NOL9: variants seen among roughly 807,000 people sequenced by gnomAD.
The protein encoded by NOL9 is polynucleotide 5'-hydroxyl-kinase NOL9.
A neutral mutation model predicts 67.9 loss-of-function variants in NOL9; 28 were observed. The observed-to-expected ratio is 0.41, with a 90% confidence interval of 0.31 to 0.57. The LOEUF (loss-of-function observed/expected upper bound fraction) is 0.57. NOL9 is among the 20% of genes least tolerant of loss of function. NOL9 has a pLI of 0.25. For synonymous variants in NOL9, 356 were observed against 352.2 expected (o/e 1.01, Z -0.12); for missense variants, 777 against 897.0 (o/e 0.87, Z 1.71).
Position 6,525,091 on chromosome 1 carries a change from A to G in NOL9, c.*763T>C, listed in dbSNP as rs1425022481. 1 of 151,820 alleles carries G rather than the reference A, an allele frequency of 6.6e-6. No individual in the cohort carries two copies. The highest frequency in any genetic ancestry group is 1.5e-5 in the Non-Finnish European group (1 of 67,956). 9.4% of individuals were successfully genotyped at this position (151,820 alleles called of 1,614,324 possible). On this transcript the variant is annotated 3_prime_UTR_variant, in exon 12 of 12. Transcript: ENST00000377705. ...TTCCTCAGCATAAAACCTCAGGATT[A>G]AAAAAAAGGAAGGGCTCTTGGGTCC...
In NOL9 at chr1:6,532,759, G is replaced by T. The variant is rs750909549; in HGVS notation, c.1239C>A (p.Asp413Glu). 2 of 1,610,292 alleles carry T rather than the reference G, an allele frequency of 1.2e-6. No homozygotes were observed. Among genetic ancestry groups the T allele is most frequent in the African/African-American group, 1.3e-5 (1 of 74,808 alleles). ...GATCAATGAGAAGCAGGAGCCCCTG[G>T]TCTGTGGGGAAGAGACATTAGCACA... ...LIVNTMGWVS[D>E]QGLLLLIDLI... The change falls in exon 8 of 12, where the codon GAC (aspartate) becomes GAA (glutamate). Residue 413 changes from aspartate to glutamate, a missense_variant and splice_region_variant. Asp to Glu is a conservative substitution (Grantham distance 45). Transcript: ENST00000377705.
chr1:6,541,801 A>C, intron 6 of NOL9, 29 bp downstream of exon 6: 1 of 1,377,702 alleles, frequency 7.3e-7, no homozygotes, highest in Non-Finnish European at 1.0e-6. Context: ...TCATAAAACC[A>C]AGACATTTGA....
At chr1:6,529,276 G>A in intron 9 of NOL9, 105 bp from the exon 10 acceptor site, 2 of 1,023,930 alleles carry the variant, frequency 2.0e-6, no homozygotes, top group South Asian at 3.1e-5. Flanking sequence ...CTGCCAAAGT[G>A]CCTACTCAAA....
At chr1:6,526,516 GT>G (rs1483645649) in intron 11 of NOL9, among the ~76,000 whole-genome samples, 179 bp downstream of exon 11, 1 of 152,202 alleles carries the variant, frequency 6.6e-6, no homozygotes, top group African/African-American at 2.4e-5. Flanking sequence ...ACGAGGGACA[GT>G]GATTCATAGT....
At chr1:6,534,950 C>T (rs1212412288) in intron 6 of NOL9, among the ~76,000 whole-genome samples, 4 of 152,242 alleles carry the variant, frequency 2.6e-5, no homozygotes, top group Non-Finnish European at 5.9e-5. Context: ...ATTACAGGCA[C>T]TCGCCACCAC....
intron 3 of NOL9, among the ~76,000 whole-genome samples, chr1:6,545,785 A>G (rs1639407389): frequency 6.6e-6 from 1 of 152,046 alleles, no homozygotes; most frequent in Non-Finnish European, 1.5e-5. Flanking sequence ...GCAGTGGTGC[A>G]CGCCTGTAAT....
chr1:6,536,761 G>A (rs1639165694), intron 6 of NOL9, among the ~76,000 whole-genome samples: 1 of 151,184 alleles, frequency 6.6e-6, no homozygotes, highest in Non-Finnish European at 1.5e-5. Flanking sequence ...AGGATGCAGT[G>A]AGCTGTGATT....
chr1:6,536,982 G>T (rs1414623102), intron 6 of NOL9, among the ~76,000 whole-genome samples: 1 of 152,044 alleles, frequency 6.6e-6, no homozygotes, highest in Admixed American at 6.6e-5. Context: ...ATGCACTCCA[G>T]CCTGGGTGAC....
At chr1:6,552,000 ACTCCAGC>A (rs1273026245) in intron 1 of NOL9, among the ~76,000 whole-genome samples, 3 of 152,164 alleles carry the variant, frequency 2.0e-5, no homozygotes, top group Non-Finnish European at 4.4e-5. Context: ...GCGCCACTGC[ACTCCAGC>A]CTGGGCAACA....
Position 6,532,657 on chromosome 1 carries a change from C to A in NOL9, c.1341G>T (p.Pro447=). The A allele has an allele frequency of 6.2e-7, 1 of 1,614,114 alleles. No individual in the cohort carries two copies. The highest frequency in any genetic ancestry group is 8.5e-7 in the Non-Finnish European group (1 of 1,180,028). Residue 447 remains proline, a synonymous_variant, in exon 8 of 12, where the codon CCG becomes CCT. Coordinates refer to ENST00000377705, the MANE Select transcript of NOL9 (RefSeq NM_024654.5). ...AGCCATCCATGTCATCTACATACTGCGGGGTAAGGTCTGGCATATATTTAC... is the reference window on the plus strand; with the variant it reads ...AGCCATCCATGTCATCTACATACTGAGGGGTAAGGTCTGGCATATATTTAC... ...DHSKYMPDLT[P]QYVDDMDGLY...
Position 6,554,046 on chromosome 1 carries a change from C to G in NOL9, c.396+61G>C, listed in dbSNP as rs576229409. 1.7e-3 allele frequency: 2,416 copies of G among 1,391,186 alleles called. 10 individuals are homozygous for G. Among genetic ancestry groups the G allele is most frequent in the Middle Eastern group, 0.013 (52 of 3,930 alleles). The allele number at this position is 1,391,186 out of a possible 1,614,324, so 86.2% of individuals were successfully genotyped here. A position where few individuals can be genotyped will look rare whatever the true frequency, so the allele number is the denominator to read the frequency against. ...GGTCCTCTCCTACCCTGCAGCTCTC[C>G]CGGGGCTGCCTCTCCAGCCCTCCCT... is the stretch of plus-strand genomic sequence containing the variant. On this transcript the variant is annotated intron_variant, in intron 1 of 11. Coordinates refer to ENST00000377705, the MANE Select transcript of NOL9 (RefSeq NM_024654.5).
chr1:6,539,772 T>C (rs1042023862), intron 6 of NOL9, among the ~76,000 whole-genome samples: 14 of 152,050 alleles, frequency 9.2e-5, no homozygotes, highest in African/African-American at 2.2e-4. Flanking sequence ...GTGTGAGCCA[T>C]GGCACCTGGC....
At chr1:6,535,883 G>A (rs1456843801) in intron 6 of NOL9, among the ~76,000 whole-genome samples, 4 of 147,884 alleles carry the variant, frequency 2.7e-5, no homozygotes, top group African/African-American at 7.5e-5. Context: ...AGCCGAGATC[G>A]TGCTATTGCA....
In NOL9 at chr1:6,532,510, C is replaced by A; in HGVS notation, c.1488G>T (p.Leu496=). The part of the protein sequence containing the change: ...ESPVEFTGHK[L]IGVYTDFAFR... ...ATGCAAAGTCTGTATAAACACCTATCAGTTTATGTCCAGTGAACTCAACTG... is the reference window on the plus strand; with the variant it reads ...ATGCAAAGTCTGTATAAACACCTATAAGTTTATGTCCAGTGAACTCAACTG... Residue 496 remains leucine, a synonymous_variant, in exon 8 of 12, where the codon CTG becomes CTT. Coordinates refer to ENST00000377705, the MANE Select transcript of NOL9 (RefSeq NM_024654.5). 2 of 1,614,152 alleles carry A rather than the reference C, an allele frequency of 1.2e-6. No individual in the cohort carries two copies. Among genetic ancestry groups the A allele is most frequent in the Non-Finnish European group, 1.7e-6 (2 of 1,179,998 alleles).
chr1:6,532,193 C>T, intron 8 of NOL9, 114 bp from the exon 9 acceptor site: 1 of 843,352 alleles, frequency 1.2e-6, no homozygotes, highest in Non-Finnish European at 1.9e-6. Flanking sequence ...CCAACACTGC[C>T]CCCCCTTGAC....
intron 6 of NOL9, among the ~76,000 whole-genome samples, chr1:6,536,202 C>A (rs1369752064): frequency 2.0e-5 from 3 of 151,808 alleles, no homozygotes; most frequent in Non-Finnish European, 4.4e-5. Flanking sequence ...AAAAATTAGC[C>A]GGGCGTGGTG....
rs777002977 is a variant in NOL9, at chr1:6,554,290, G to A, written c.213C>T (p.Arg71=). ...DWREGARQVS[R]AAAARRPNTA... is the part of the protein sequence containing the mutation. ...TGTTGGGTCTCCGGGCCGCCGCCGC[G>A]CGCGACACCTGGCGGGCTCCCTCCC... The change falls in exon 1 of 12, where the codon CGC becomes CGT. Residue 71 remains arginine, a synonymous_variant. Coordinates refer to ENST00000377705, the MANE Select transcript of NOL9 (RefSeq NM_024654.5). 1 of 1,474,436 alleles carries A rather than the reference G, an allele frequency of 6.8e-7. No individual in the cohort carries two copies. The highest frequency in any genetic ancestry group is 1.3e-5 in the South Asian group (1 of 74,434). The allele number at this position is 1,474,436 out of a possible 1,614,324, so 91.3% of individuals were successfully genotyped here.
chr1:6,553,568 G>A (rs1025896755), intron 1 of NOL9, among the ~76,000 whole-genome samples: 4 of 150,892 alleles, frequency 2.7e-5, no homozygotes, highest in African/African-American at 7.3e-5. Context: ...AGTTCCAGGT[G>A]CGGTGGTTCA....
In NOL9 at chr1:6,550,566, A is replaced by G. The variant is rs1299085082; in HGVS notation, c.446T>C (p.Val149Ala). Residue 149 changes from valine (V) to alanine (A), a missense_variant, in exon 2 of 12, where the codon GTG (valine) becomes GCG (alanine). Coordinates refer to ENST00000377705, the MANE Select transcript of NOL9 (RefSeq NM_024654.5). Reference protein sequence around the residue: ...ICRVTCLYGQVQVFGFTISQG... With the variant: ...ICRVTCLYGQAQVFGFTISQG... ...GCTGATGGTAAAACCAAATACCTGC[A>G]CCTGGCCATAGAGGCAAGTCACACG... The G allele has an allele frequency of 6.2e-7, 1 of 1,614,068 alleles. No homozygotes were observed. Among genetic ancestry groups the G allele is most frequent in the South Asian group, 1.1e-5 (1 of 91,076 alleles).
Sources: allele counts gnomAD v4.1 joint callset (sites outside exome capture counted in the v4.1 genomes callset), GRCh38; gene constraint gnomAD v4.1.1; transcripts MANE v1.5; gene names NCBI Gene and HGNC (gene_info 2026-07-23, HGNC 2026-07-21).